Variants in WNT6 observed in about 807,000 individuals in gnomAD.
WNT6 encodes the protein Wnt family member 6.
Under a neutral mutation model 33.1 loss-of-function variants are expected in WNT6, and 27 were observed. That is an observed-to-expected ratio of 0.82 (90% CI 0.60 to 1.12). The LOEUF (loss-of-function observed/expected upper bound fraction) is 1.12, where lower values mean the gene tolerates loss of function less well. Among genes scored for constraint, WNT6 ranks in the 50% most tolerant of loss-of-function variants. The pLI is 0.00. For synonymous variants in WNT6, 249 were observed against 242.8 expected (o/e 1.03, Z -0.24); for missense variants, 494 against 535.3 (o/e 0.92, Z 0.76).
rs531220200 is a variant in WNT6 at position 218,864,747 on chromosome 2, C to T, written c.80+4630C>T. ...CTGGCCCCACAGGGAGGCAGGGAAA[C>T]GACCCTGGCTTCTTTGTGGCACTCA... On this transcript the variant is annotated intron_variant, in intron 1 of 3. Coordinates refer to ENST00000233948, the MANE Select transcript of WNT6 (RefSeq NM_006522.4). Among the ~76,000 whole-genome samples the T allele has an allele frequency of 1.1e-4, 16 of 152,276 alleles. No individual in the cohort carries two copies. In the East Asian group the frequency reaches 1.4e-3, roughly 13 times the overall value.
intron 1 of WNT6, among the ~76,000 whole-genome samples, chr2:218,869,223 C>CGCATGCGTGT (rs1191617117): frequency 6.6e-6 from 1 of 151,990 alleles, no homozygotes; most frequent in South Asian, 2.1e-4. Context: ...TGTGTGCGTG[C>CGCATGCGTGT]GCATGCGTGC....
At position 218,871,650 on chromosome 2, in the gene WNT6, G is replaced by T. The variant is rs759212149; in HGVS notation, c.467G>T (p.Gly156Val). The T allele has an allele frequency of 1.3e-6, 2 of 1,504,310 alleles. No homozygotes were observed. Among genetic ancestry groups the T allele is most frequent in the Non-Finnish European group, 1.8e-6 (2 of 1,129,004 alleles). The allele number at this position is 1,504,310 out of a possible 1,614,324, so 93.2% of individuals were successfully genotyped here. A position where few individuals can be genotyped will look rare whatever the true frequency, so the allele number is the denominator to read the frequency against. Reference sequence around the variant, plus strand: ...CTGCCCGGCACCCCCGGACCCCCTGGCCCCGCGGGCTCCCCGGAAGGCAGC... The same window carrying T: ...CTGCCCGGCACCCCCGGACCCCCTGTCCCCGCGGGCTCCCCGGAAGGCAGC... ...SGLPGTPGPP[G>V]PAGSPEGSAA... Residue 156 changes from glycine to valine, a missense_variant, in exon 3 of 4, where the codon GGC (glycine) becomes GTC (valine). By Grantham distance (109) the Gly-to-Val change is moderately radical. Coordinates refer to ENST00000233948, the MANE Select transcript of WNT6 (RefSeq NM_006522.4). The surrounding 1 kb of genome is among the most constrained non-coding windows in gnomAD (Gnocchi z 6.4).
Position 218,873,339 on chromosome 2 carries a change from C to A in WNT6, c.637-45C>A. On this transcript the variant is annotated intron_variant, in intron 3 of 3. Transcript: ENST00000233948. This position sits in a 1 kb window ranked among gnomAD's most constrained non-coding sequence, Gnocchi z 6.1. ...TGTCCATCCGCTGGGCCCTTCCCTG[C>A]ACCCCCTACCTGTCCACATGCGTCC... 6.7e-7 allele frequency: 1 copy of A among 1,500,134 alleles called. No individual in the cohort carries two copies. 92.9% of individuals were successfully genotyped at this position (1,500,134 alleles called of 1,614,324 possible).
At chr2:218,870,213 T>C (rs1575225080) in intron 1 of WNT6, among the ~76,000 whole-genome samples, 1 of 134,624 alleles carries the variant, frequency 7.4e-6, no homozygotes, top group African/African-American at 3.1e-5. Flanking sequence ...AGAGCAAGAC[T>C]CCATCTCAAT....
intron 1 of WNT6, among the ~76,000 whole-genome samples, chr2:218,863,220 T>C (rs781079011): frequency 4.6e-5 from 7 of 152,188 alleles, no homozygotes; most frequent in Non-Finnish European, 1.0e-4. Flanking sequence ...GCTTTCCCAG[T>C]AAGGGCTTCC....
chr2:218,860,168 C>T (rs1374620252), intron 1 of WNT6, 51 bp downstream of exon 1: 9 of 1,469,910 alleles, frequency 6.1e-6, no homozygotes, highest in African/African-American at 1.4e-5. Flanking sequence ...GTGGGGACCC[C>T]GGGACCCAGG....
In WNT6 at chr2:218,859,988, G is replaced by T; in HGVS notation, c.-50G>T. On this transcript the variant is annotated 5_prime_UTR_variant, in exon 1 of 4. Transcript: ENST00000233948. Reference sequence around the variant, plus strand: ...CCCGGGCCCTCGCGCGCCGCGGTTCGCCCCGCAGCCTCGCCCCCTGCCCAC... The same window carrying T: ...CCCGGGCCCTCGCGCGCCGCGGTTCTCCCCGCAGCCTCGCCCCCTGCCCAC... 7.6e-7 allele frequency: 1 copy of T among 1,308,910 alleles called. No individual in the cohort carries two copies. Among genetic ancestry groups the T allele is most frequent in the Non-Finnish European group, 9.8e-7 (1 of 1,025,130 alleles). The allele number at this position is 1,308,910 out of a possible 1,614,324, so 81.1% of individuals were successfully genotyped here.
At chr2:218,860,144 C>A in intron 1 of WNT6, 27 bp downstream of exon 1, 2 of 1,503,626 alleles carry the variant, frequency 1.3e-6, no homozygotes, top group African/African-American at 2.8e-5. Context: ...TGGCGCGGCT[C>A]TGGACCCTGG....
At position 218,871,465 on chromosome 2, in the gene WNT6, G is replaced by T. The variant is rs766031845; in HGVS notation, c.302-20G>T. The T allele has an allele frequency of 3.8e-6, 6 of 1,595,384 alleles. No individual in the cohort carries two copies. The highest frequency in any genetic ancestry group is 1.1e-5 in the South Asian group (1 of 90,640). On this transcript the variant is annotated intron_variant, in intron 2 of 3. Transcript: ENST00000233948. The surrounding 1 kb of genome is among the most constrained non-coding windows in gnomAD (Gnocchi z 6.4). ...CTGACCGCCCCAGCCCGCGCTGATT[G>T]CACCTGTCTGCATTCACAGACATTC...
chr2:218,865,898 G>C (rs1340212374), intron 1 of WNT6, among the ~76,000 whole-genome samples: 2 of 148,590 alleles, frequency 1.3e-5, no homozygotes, highest in Non-Finnish European at 3.0e-5. Flanking sequence ...AGGGAACCAA[G>C]TTGGGTTAGG....
chr2:218,862,801 C>T (rs1485852152), intron 1 of WNT6, among the ~76,000 whole-genome samples: 1 of 151,984 alleles, frequency 6.6e-6, no homozygotes. Flanking sequence ...CACCTCCCGG[C>T]TCAAATGATT....
chr2:218,868,584 C>T (rs1193013106), intron 1 of WNT6, among the ~76,000 whole-genome samples: 1 of 152,124 alleles, frequency 6.6e-6, no homozygotes, highest in African/African-American at 2.4e-5. Context: ...TCATTCCCTG[C>T]CTGATTCCCA....
intron 1 of WNT6, among the ~76,000 whole-genome samples, chr2:218,866,563 G>A (rs1233678579): frequency 6.6e-6 from 1 of 152,210 alleles, no homozygotes; most frequent in African/African-American, 2.4e-5. Flanking sequence ...ACAAACACCA[G>A]TTGTTGGAGG....
At chr2:218,868,559 G>A (rs1944372329) in intron 1 of WNT6, among the ~76,000 whole-genome samples, 1 of 152,162 alleles carries the variant, frequency 6.6e-6, no homozygotes, top group Non-Finnish European at 1.5e-5. Context: ...GGGGCTGGAC[G>A]ACTGCAGAGA....
At chr2:218,861,005 G>C (rs1007542337) in intron 1 of WNT6, among the ~76,000 whole-genome samples, 1 of 152,212 alleles carries the variant, frequency 6.6e-6, no homozygotes, top group African/African-American at 2.4e-5. Flanking sequence ...GCCCGGAATA[G>C]CTCAGTGTTT....
In WNT6 at chr2:218,873,353, C is replaced by T. The variant is rs1170556166; in HGVS notation, c.637-31C>T. 13 of 1,526,880 alleles carry T rather than the reference C, an allele frequency of 8.5e-6. No homozygotes were observed. Among genetic ancestry groups the T allele is most frequent in the East Asian group, 2.5e-5 (1 of 40,424 alleles). The allele number at this position is 1,526,880 out of a possible 1,614,324, so 94.6% of individuals were successfully genotyped here. ...GCCCTTCCCTGCACCCCCTACCTGT[C>T]CACATGCGTCCGCCCCTCTGCCTCC... is the stretch of plus-strand genomic sequence containing the variant. On this transcript the variant is annotated intron_variant, in intron 3 of 3. Coordinates refer to ENST00000233948, the MANE Select transcript of WNT6 (RefSeq NM_006522.4). This position sits in a 1 kb window ranked among gnomAD's most constrained non-coding sequence, Gnocchi z 6.1.
chr2:218,860,057 C>T lies in WNT6; in HGVS notation c.20C>T (p.Ser7Phe). MLPPLP[S>F]RLGLLLLLLL... Reference sequence around the variant, plus strand: ...GTCACGATGCTGCCGCCCTTACCCTCCCGCCTCGGGCTGCTGCTGCTGCTG... The same window carrying T: ...GTCACGATGCTGCCGCCCTTACCCTTCCGCCTCGGGCTGCTGCTGCTGCTG... Residue 7 changes from serine to phenylalanine, a missense_variant, in exon 1 of 4, where the codon TCC becomes TTC. Ser to Phe is a radical substitution (Grantham distance 155). Coordinates refer to ENST00000233948, the MANE Select transcript of WNT6 (RefSeq NM_006522.4). 6.6e-7 allele frequency: 1 copy of T among 1,519,458 alleles called. No homozygotes were observed. Among genetic ancestry groups the T allele is most frequent in the South Asian group, 1.2e-5 (1 of 82,038 alleles). The allele number at this position is 1,519,458 out of a possible 1,614,324, so 94.1% of individuals were successfully genotyped here.
intron 1 of WNT6, among the ~76,000 whole-genome samples, chr2:218,869,631 T>C (rs983661498): frequency 6.6e-6 from 1 of 152,218 alleles, no homozygotes; most frequent in African/African-American, 2.4e-5. Context: ...CCAGATGCTC[T>C]ACTCATTCAT....
At position 218,871,630 on chromosome 2, in the gene WNT6, CG is replaced by C. The variant is rs1285952198; in HGVS notation, c.449del (p.Gly150AlafsTer200). 6.8e-7 allele frequency: 1 copy of C among 1,472,554 alleles called. No individual in the cohort carries two copies. The highest frequency in any genetic ancestry group is 8.9e-7 in the Non-Finnish European group (1 of 1,117,548). 91.2% of individuals were successfully genotyped at this position (1,472,554 alleles called of 1,614,324 possible). ...RAPPRPSGLPGTPGPPGPAGS... is the reference protein window; with the variant it reads ...RAPPRPSGLPXTPGPPGPAGS... ...CCCCTCCCCGGCCCTCCGGCCTGCC[CG>C]GCACCCCCGGACCCCCTGGCCCCGC... On this transcript the variant is annotated frameshift_variant, in exon 3 of 4. Transcript: ENST00000233948. LOFTEE classifies it high-confidence loss of function. The surrounding 1 kb of genome is among the most constrained non-coding windows in gnomAD (Gnocchi z 6.4).
Sources: allele counts gnomAD v4.1 joint callset (sites outside exome capture counted in the v4.1 genomes callset), GRCh38; gene constraint gnomAD v4.1.1; non-coding constraint Gnocchi (gnomAD v3.1); transcripts MANE v1.5; gene names NCBI Gene and HGNC (gene_info 2026-07-23, HGNC 2026-07-21).